PPDPFL: variants seen among roughly 807,000 people sequenced by gnomAD.
The protein encoded by PPDPFL is pancreatic progenitor cell differentiation and proliferation factor-like protein.
PPDPFL carries 12 observed loss-of-function variants against 12.6 expected under a neutral mutation model. The observed-to-expected ratio is 0.95, with a 90% CI of 0.61 to 1.54. The LOEUF (loss-of-function observed/expected upper bound fraction) is 1.54. PPDPFL is among the 40% of genes most tolerant of loss of function. PPDPFL has a pLI of 0.00. For synonymous variants in PPDPFL, 24 were observed against 32.7 expected, an observed-to-expected ratio of 0.73 and a Z score of 0.91; for missense variants, 114 against 96.0, an observed-to-expected ratio of 1.19 and a Z score of -0.78.
At chr8:49,063,357 G>A (rs959858426) in intron 1 of PPDPFL, among the ~76,000 whole-genome samples, 5 of 152,134 alleles carry the variant, frequency 3.3e-5, no homozygotes, top group African/African-American at 7.2e-5. Context: ...CCATGTCATA[G>A]CCAAGATAGT....
At chr8:49,054,534 T>C (rs1016943541) in intron 1 of PPDPFL, among the ~76,000 whole-genome samples, 16 of 152,164 alleles carry the variant, frequency 1.1e-4, no homozygotes, top group Non-Finnish European at 1.9e-4. Context: ...AAGATATTAG[T>C]AGTTAAATTT....
chr8:49,072,820 CG>C lies in PPDPFL; in HGVS notation c.-8del. 6.3e-7 allele frequency: 1 copy of C among 1,594,316 alleles called. No individual in the cohort carries two copies. Among genetic ancestry groups the C allele is most frequent in the Non-Finnish European group, 8.5e-7 (1 of 1,173,176 alleles). On this transcript the variant is annotated 5_prime_UTR_variant, in exon 2 of 5. The change abolishes the stop of an existing upstream ORF in the 5' untranslated region. Coordinates refer to ENST00000522267, the MANE Select transcript of PPDPFL (RefSeq NM_001256597.2). ...TCACAGCTTCTTGGGTGCTTTCTCACGGGTAAAGCCATGGCATCCGTACCTT... is the reference window on the plus strand; with the variant it reads ...TCACAGCTTCTTGGGTGCTTTCTCACGGTAAAGCCATGGCATCCGTACCTT...
intron 1 of PPDPFL, among the ~76,000 whole-genome samples, chr8:49,061,964 G>T (rs536387735): frequency 6.6e-6 from 1 of 152,150 alleles, no homozygotes; most frequent in African/African-American, 2.4e-5. Context: ...CAACTCCTTC[G>T]TTTTAAAATC....
rs1301151659 is a variant in PPDPFL at position 49,061,300 on chromosome 8, A to C, written c.-45+6931A>C. 5.3e-5 allele frequency among the ~76,000 whole-genome samples: 8 copies of C among 152,210 alleles called. 1 individual carries two copies. The highest frequency in any genetic ancestry group is 5.2e-4 in the Admixed American group (8 of 15,282). ...CCTCATAAGAAGAGGGAATTTGGAC[A>C]CAGAGACCCACAGAGAGAAGACTAT... On this transcript the variant is annotated intron_variant, in intron 1 of 4. Coordinates refer to the PPDPFL transcript ENST00000517663.
intron 1 of PPDPFL, among the ~76,000 whole-genome samples, chr8:49,067,009 C>T (rs1275886962): frequency 6.6e-6 from 1 of 152,178 alleles, no homozygotes; most frequent in Non-Finnish European, 1.5e-5. Flanking sequence ...CCACCATCCT[C>T]CCATTACATT....
intron 1 of PPDPFL, among the ~76,000 whole-genome samples, chr8:49,056,870 G>A (rs1454812834): frequency 1.3e-5 from 2 of 152,118 alleles, no homozygotes; most frequent in Non-Finnish European, 2.9e-5. Flanking sequence ...TTGCAGTAGG[G>A]TGTGACATAC....
At chr8:49,054,698 C>A (rs1808086301) in intron 1 of PPDPFL, among the ~76,000 whole-genome samples, 1 of 147,512 alleles carries the variant, frequency 6.8e-6, no homozygotes, top group African/African-American at 2.4e-5. Context: ...GCTTTCTTTT[C>A]TTTCTTCTTG....
rs573279701 is a variant in PPDPFL at position 49,074,290 on chromosome 8, C to A, written c.190C>A (p.Pro64Thr). ...GTTTAAATCGTTTTTCCATTCTGAA[C>A]CTGTGCTTTCAAATGTGAGAATAAA... ...WWFKSFFHSE[P>T]VLSNVRIKDL... is the part of the protein sequence containing the mutation. Residue 64 changes from proline (P) to threonine (T), a missense_variant, in exon 4 of 5, where the codon CCT becomes ACT. Transcript: ENST00000522267. The A allele has an allele frequency of 3.8e-5, 61 of 1,613,982 alleles. No homozygotes were observed. The South Asian group carries it at 6.7e-4, about 18-fold the overall frequency.
At chr8:49,064,848 G>A (rs967760136) in intron 1 of PPDPFL, among the ~76,000 whole-genome samples, 5 of 152,052 alleles carry the variant, frequency 3.3e-5, no homozygotes, top group African/African-American at 9.7e-5. Flanking sequence ...GGGGGAAAAT[G>A]GTGTTTAAAT....
Position 49,074,225 on chromosome 8 carries a change from A to G in PPDPFL, c.134-9A>G, listed in dbSNP as rs766363672. ...TTTGATAAGGAGTAACATGAATTTTATTTAATAGGGTTGCCTGAAGTGGCA... is the reference window on the plus strand; with the variant it reads ...TTTGATAAGGAGTAACATGAATTTTGTTTAATAGGGTTGCCTGAAGTGGCA... On this transcript the variant is annotated splice_polypyrimidine_tract_variant and intron_variant, in intron 3 of 4. Transcript: ENST00000522267. 6.2e-7 allele frequency: 1 copy of G among 1,612,888 alleles called. No homozygotes were observed. The highest frequency in any genetic ancestry group is 1.7e-5 in the Admixed American group (1 of 59,984).
At position 49,075,577 on chromosome 8, in the gene PPDPFL, A is replaced by C; in HGVS notation, c.*404A>C. 2 of 330,964 alleles carry C rather than the reference A, an allele frequency of 6.0e-6. No homozygotes were observed. Among genetic ancestry groups the C allele is most frequent in the East Asian group, 5.6e-5 (1 of 17,936 alleles). 20.5% of individuals were successfully genotyped at this position (330,964 alleles called of 1,614,324 possible). A position where few individuals can be genotyped will look rare whatever the true frequency, so the allele number is the denominator to read the frequency against. On this transcript the variant is annotated 3_prime_UTR_variant, in exon 5 of 5. Coordinates refer to ENST00000522267, the MANE Select transcript of PPDPFL (RefSeq NM_001256597.2). ...CTCTTTCATTTTTTATATCATTTTTATTAAAAAAACTTAAGTTAGACTCTT... is the reference window on the plus strand; with the variant it reads ...CTCTTTCATTTTTTATATCATTTTTCTTAAAAAAACTTAAGTTAGACTCTT...
intron 1 of PPDPFL, among the ~76,000 whole-genome samples, chr8:49,062,063 G>T (rs559158334): frequency 2.0e-5 from 3 of 152,298 alleles, no homozygotes; most frequent in African/African-American, 7.2e-5. Flanking sequence ...CAAATAACCT[G>T]CATGAGTTAC....
intron 1 of PPDPFL, among the ~76,000 whole-genome samples, chr8:49,066,706 C>T (rs142378794): frequency 1.5e-4 from 23 of 152,246 alleles, no homozygotes; most frequent in Middle Eastern, 3.4e-3. Context: ...ACTTTCTCAG[C>T]GGATCACTAA....
chr8:49,057,261 C>T (rs1808125122), intron 1 of PPDPFL, among the ~76,000 whole-genome samples: 1 of 152,114 alleles, frequency 6.6e-6, no homozygotes, highest in Admixed American at 6.5e-5. Flanking sequence ...TATTTATCAA[C>T]ATTTTTATTA....
At chr8:49,060,435 T>C (rs1441555055) in intron 1 of PPDPFL, among the ~76,000 whole-genome samples, 1 of 152,078 alleles carries the variant, frequency 6.6e-6, no homozygotes, top group Non-Finnish European at 1.5e-5. Context: ...TGCCTCAGCC[T>C]CCCGAGTAGC....
chr8:49,072,916 G>A (rs537515453), intron 2 of PPDPFL, 31 bp downstream of exon 2: 1 of 1,565,214 alleles, frequency 6.4e-7, no homozygotes, highest in African/African-American at 1.4e-5. Context: ...GACGTCCCTA[G>A]ATAATATGAT....
intron 1 of PPDPFL, among the ~76,000 whole-genome samples, chr8:49,061,182 A>G (rs1424865877): frequency 2.0e-5 from 3 of 152,166 alleles, no homozygotes; most frequent in African/African-American, 4.8e-5. Flanking sequence ...TCTTAACCTT[A>G]TAATAGGACT....
chr8:49,072,897 C>T lies in PPDPFL; in HGVS notation c.55+12C>T. 1 of 1,599,902 alleles carries T rather than the reference C, an allele frequency of 6.3e-7. No homozygotes were observed. The highest frequency in any genetic ancestry group is 8.5e-7 in the Non-Finnish European group (1 of 1,172,082). ...TCAGTATTATCGAAGTAAGTTGCAT[C>T]ATCATAGAGACGTCCCTAGATAATA... On this transcript the variant is annotated intron_variant, in intron 2 of 4. Transcript: ENST00000522267.
upstream of PPDPFL, among the ~76,000 whole-genome samples, chr8:49,071,032 C>T (rs181221552): frequency 1.2e-4 from 18 of 152,252 alleles, no homozygotes; most frequent in East Asian, 2.7e-3. Context: ...CATCTCCTGA[C>T]TCCCCGATCT....
Sources: gnomAD v4.1 joint callset for allele counts (sites outside exome capture counted in the v4.1 genomes callset) on GRCh38, gnomAD v4.1.1 for gene constraint, MANE v1.5 for transcripts, NCBI Gene and HGNC (gene_info 2026-07-23, HGNC 2026-07-21) for gene names.